The following LEPROTL1 variants were observed in gnomAD, a reference collection of about 807,000 sequenced individuals.
The protein encoded by LEPROTL1 is leptin receptor overlapping transcript-like 1.
Under a neutral mutation model 15.4 loss-of-function variants are expected in LEPROTL1, and 6 were observed. The observed-to-expected ratio is 0.39, with a 90% confidence interval of 0.21 to 0.77. LEPROTL1 has a LOEUF of 0.77. LEPROTL1 is among the 30% of genes least tolerant of loss of function. The pLI, the probability that LEPROTL1 is intolerant of heterozygous loss-of-function variation, is 0.41. For missense variants in LEPROTL1, 128 were observed against 158.1 expected, an observed-to-expected ratio of 0.81 and a Z score of 1.02; for synonymous variants, 56 against 52.6, an observed-to-expected ratio of 1.06 and a Z score of -0.28.
At position 30,107,598 on chromosome 8, in the gene LEPROTL1, C is replaced by T. The variant is rs550198069; in HGVS notation, c.*1736C>T. 7.1e-6 allele frequency: 7 copies of T among 985,790 alleles called. No homozygotes were observed. The highest frequency in any genetic ancestry group is 1.7e-5 in the African/African-American group (1 of 57,338). The allele number at this position is 985,790 out of a possible 1,614,324, so 61.1% of individuals were successfully genotyped here. On this transcript the variant is annotated 3_prime_UTR_variant, in exon 4 of 4. Transcript: ENST00000321250. The stretch of plus-strand genomic sequence containing the variant: ...AGATATGAGATGACGGGAAGCAGGA[C>T]GAAATATCGGCGTGTGGCTGGAGCC...
At chr8:30,123,725 T>C (rs1802866755) in intron 3 of LEPROTL1, among the ~76,000 whole-genome samples, 1 of 152,240 alleles carries the variant, frequency 6.6e-6, no homozygotes, top group Admixed American at 6.5e-5. Context: ...CTATCATTTA[T>C]TCATTTAGTC....
rs34271690 is a variant in LEPROTL1, at chr8:30,118,019, G to GT, written c.279+13556dup. Among the ~76,000 whole-genome samples the GT allele has an allele frequency of 7.1e-3, 190 of 26,780 alleles. 7 individuals carry two copies. Among genetic ancestry groups the GT allele is most frequent in the African/African-American group, 0.022 (183 of 8,314 alleles). The allele number at this position is 26,780 out of a possible 152,430, so 17.6% of individuals were successfully genotyped here. A position where few individuals can be genotyped will look rare whatever the true frequency, so the allele number is the denominator to read the frequency against. Reference sequence around the variant, plus strand: ...AATCTGTATATATATTTTTTGATTTGTTTTTTTTTTTTTTTTTTTTTTTGA... The same window carrying GT: ...AATCTGTATATATATTTTTTGATTTGTTTTTTTTTTTTTTTTTTTTTTTTGA... On this transcript the variant is annotated intron_variant, in intron 3 of 4. Transcript: ENST00000442880.
chr8:30,111,452 G>T (rs138639050), downstream of LEPROTL1, among the ~76,000 whole-genome samples: 32 of 152,234 alleles, frequency 2.1e-4, no homozygotes, highest in East Asian at 6.2e-3. Context: ...AGTGTATTAG[G>T]TAGAAACAAC....
chr8:30,114,096 A>G (rs968771237), intron 3 of LEPROTL1, among the ~76,000 whole-genome samples: 1 of 152,122 alleles, frequency 6.6e-6, no homozygotes, highest in African/African-American at 2.4e-5. Context: ...CTGTTTTATC[A>G]CAAAGATGGA....
At chr8:30,109,517 A>T (rs566382118), downstream of LEPROTL1, among the ~76,000 whole-genome samples, 2 of 152,098 alleles carry the variant, frequency 1.3e-5, no homozygotes, top group Non-Finnish European at 2.9e-5. Flanking sequence ...AAACACTTTA[A>T]TTTTTCCTTG....
At chr8:30,102,048 T>C in intron 2 of LEPROTL1, 75 bp downstream of exon 2, 1 of 854,130 alleles carries the variant, frequency 1.2e-6, no homozygotes, top group South Asian at 1.6e-5. Context: ...AAAATGTTTT[T>C]TTACTACTGT....
At chr8:30,119,114 G>C in intron 3 of LEPROTL1, among the ~76,000 whole-genome samples, 1 of 152,160 alleles carries the variant, frequency 6.6e-6, no homozygotes, top group East Asian at 1.9e-4. Context: ...TGTGCCCCTG[G>C]TTTATCGAGA....
At chr8:30,116,000 G>A (rs567744454) in intron 3 of LEPROTL1, among the ~76,000 whole-genome samples, 9 of 152,042 alleles carry the variant, frequency 5.9e-5, no homozygotes, top group Non-Finnish European at 1.3e-4. Flanking sequence ...AAATATATTG[G>A]GAGGCCAAGC....
intron 1 of LEPROTL1, among the ~76,000 whole-genome samples, chr8:30,101,584 C>T (rs1379717654): frequency 6.8e-6 from 1 of 146,740 alleles, no homozygotes; most frequent in Non-Finnish European, 1.5e-5. Context: ...AGGAGAATCA[C>T]TTGAACCTGG....
At chr8:30,099,552 A>G (rs1466852705) in intron 1 of LEPROTL1, among the ~76,000 whole-genome samples, 4 of 145,952 alleles carry the variant, frequency 2.7e-5, no homozygotes, top group Non-Finnish European at 4.5e-5. Context: ...CAGTGAGTCA[A>G]GATCGCGCCA....
intron 3 of LEPROTL1, among the ~76,000 whole-genome samples, chr8:30,118,174 G>A (rs975469888): frequency 2.6e-5 from 4 of 151,776 alleles, no homozygotes; most frequent in Admixed American, 6.6e-5. Flanking sequence ...ACAGGCACCC[G>A]CCACCACACC....
At chr8:30,137,881 T>G, downstream of LEPROTL1, 1 of 256,488 alleles carries the variant, frequency 3.9e-6, no homozygotes, top group Non-Finnish European at 7.7e-6. Context: ...ATTCTGACAC[T>G]CCTCCAATTG....
downstream of LEPROTL1, among the ~76,000 whole-genome samples, chr8:30,110,510 G>C (rs536756748): frequency 2.6e-5 from 4 of 152,186 alleles, no homozygotes; most frequent in African/African-American, 9.6e-5. Flanking sequence ...GGGCGGTGCG[G>C]ATCACTTGAG....
chr8:30,096,742 A>G (rs1489791247), intron 1 of LEPROTL1, among the ~76,000 whole-genome samples: 1 of 152,108 alleles, frequency 6.6e-6, no homozygotes, highest in Non-Finnish European at 1.5e-5. Context: ...ATAGCTTTGT[A>G]ATTTACTTCT....
rs986958076 is a variant in LEPROTL1, at chr8:30,106,152, AT to A, written c.*298del. The A allele has an allele frequency of 2.1e-5, 21 of 998,914 alleles. No homozygotes were observed. Among genetic ancestry groups the A allele is most frequent in the African/African-American group, 1.6e-4 (9 of 57,584 alleles). The allele number at this position is 998,914 out of a possible 1,614,324, so 61.9% of individuals were successfully genotyped here. On this transcript the variant is annotated 3_prime_UTR_variant, in exon 4 of 4. Transcript: ENST00000321250. ...TTTATGTGTTTTTCCTGTTAGGTTG[AT>A]TTTTTTTGGAATCAATATGCAATGT...
At chr8:30,135,148 T>C (rs1445268743) in intron 4 of LEPROTL1, among the ~76,000 whole-genome samples, 1 of 150,456 alleles carries the variant, frequency 6.6e-6, no homozygotes, top group African/African-American at 2.4e-5. Flanking sequence ...CACCTCAGCC[T>C]CCCAAAGGGC....
At position 30,106,780 on chromosome 8, in the gene LEPROTL1, A is replaced by C; in HGVS notation, c.*918A>C. ...CATGGAACCACTACTGATGAGGGAC[A>C]GTTGTATGTTTGCATCATATATGCC... On this transcript the variant is annotated 3_prime_UTR_variant, in exon 4 of 4. Transcript: ENST00000321250. 1.0e-6 allele frequency: 1 copy of C among 984,446 alleles called. No individual in the cohort carries two copies. Among genetic ancestry groups the C allele is most frequent in the Non-Finnish European group, 1.2e-6 (1 of 828,636 alleles). The allele number at this position is 984,446 out of a possible 1,614,324, so 61.0% of individuals were successfully genotyped here. A position where few individuals can be genotyped will look rare whatever the true frequency, so the allele number is the denominator to read the frequency against.
chr8:30,137,728 C>T, downstream of LEPROTL1: 1 of 544,614 alleles, frequency 1.8e-6, no homozygotes, highest in South Asian at 2.3e-5. Context: ...TAATAGCTTA[C>T]AGTTTAAAAC....
Position 30,105,938 on chromosome 8 carries a change from G to A in LEPROTL1, c.*76G>A. On this transcript the variant is annotated 3_prime_UTR_variant, in exon 4 of 4. Coordinates refer to ENST00000321250, the MANE Select transcript of LEPROTL1 (RefSeq NM_015344.3). ...ATTCACGCACACAGGAGATGGGGCA[G>A]TTAATGCTGAATGGTATAGCAAGCC... is the stretch of plus-strand genomic sequence containing the variant. The A allele has an allele frequency of 1.3e-5, 18 of 1,393,590 alleles. No individual in the cohort carries two copies. The highest frequency in any genetic ancestry group is 1.6e-5 in the Non-Finnish European group (17 of 1,063,120). The allele number at this position is 1,393,590 out of a possible 1,614,324, so 86.3% of individuals were successfully genotyped here.
Sources: gnomAD v4.1 joint callset for allele counts (sites outside exome capture counted in the v4.1 genomes callset) on GRCh38, gnomAD v4.1.1 for gene constraint, MANE v1.5 for transcripts, NCBI Gene and HGNC (gene_info 2026-07-23, HGNC 2026-07-21) for gene names.